KIRREL1: variants seen among roughly 807,000 people sequenced by gnomAD.
The protein encoded by KIRREL1 is kirre like nephrin family adhesion molecule 1, also known as kin of IRRE-like protein 1.
In KIRREL1, 25 loss-of-function variants were observed where a neutral mutation model predicts 83.3. That is an observed-to-expected ratio of 0.30 (90% CI 0.22 to 0.42). The LOEUF is 0.42. Ranked by LOEUF, KIRREL1 falls within the 10% of genes least tolerant of loss-of-function variation. The pLI, the probability that KIRREL1 is intolerant of heterozygous loss-of-function variation, is 1.00. For synonymous variants in KIRREL1, 388 were observed against 410.4 expected (o/e 0.95, Z 0.66); for missense variants, 812 against 1,032.3 (o/e 0.79, Z 2.92).
intron 1 of KIRREL1, among the ~76,000 whole-genome samples, chr1:158,021,521 C>T (rs1296342566): frequency 2.0e-5 from 3 of 152,182 alleles, no homozygotes; most frequent in Admixed American, 2.0e-4. Flanking sequence ...TAATCCCTAA[C>T]ATGTGGAAGT....
Position 158,094,225 on chromosome 1 carries a change from G to A in KIRREL1, c.1720-88G>A. ...TGACCTCAGACCCCACCCATGAGCA[G>A]GTGGCCTCTGAGCGTGGGGAGGGGT... is the stretch of plus-strand genomic sequence containing the variant. On this transcript the variant is annotated intron_variant, in intron 13 of 14. Coordinates refer to ENST00000359209, the MANE Select transcript of KIRREL1 (RefSeq NM_018240.7). This position sits in a 1 kb window ranked among gnomAD's most constrained non-coding sequence, Gnocchi z 4.6. 9.1e-7 allele frequency: 1 copy of A among 1,095,700 alleles called. No homozygotes were observed. The highest frequency in any genetic ancestry group is 2.0e-5 in the Admixed American group (1 of 50,430). 67.9% of individuals were successfully genotyped at this position (1,095,700 alleles called of 1,614,324 possible).
rs1267331194 is a variant in KIRREL1 at position 158,094,636 on chromosome 1, G to C, written c.1798-8G>C. The C allele has an allele frequency of 1.3e-6, 2 of 1,576,454 alleles. No homozygotes were observed. The highest frequency in any genetic ancestry group is 2.3e-5 in the South Asian group (2 of 86,664). On this transcript the variant is annotated splice_polypyrimidine_tract_variant and splice_region_variant and intron_variant, in intron 14 of 14. Transcript: ENST00000359209. The surrounding 1 kb of genome is among the most constrained non-coding windows in gnomAD (Gnocchi z 4.6). ...ACTGCCTCCATCCTCTTCTCTCATT[G>C]CCCCCAGGACCCCACCAATGGCTAC... is the stretch of plus-strand genomic sequence containing the variant.
chr1:158,063,593 A>G (rs1365340990), intron 1 of KIRREL1, among the ~76,000 whole-genome samples: 3 of 152,172 alleles, frequency 2.0e-5, no homozygotes, highest in African/African-American at 2.4e-5. Flanking sequence ...TGCCCATCCC[A>G]TCAAGCACAC....
At chr1:158,047,811 C>T (rs1045502304) in intron 1 of KIRREL1, among the ~76,000 whole-genome samples, 3 of 152,164 alleles carry the variant, frequency 2.0e-5, no homozygotes, top group Non-Finnish European at 2.9e-5. Context: ...TATAATTTGC[C>T]GTCTCCCTTC....
intron 1 of KIRREL1, among the ~76,000 whole-genome samples, chr1:158,018,715 G>T (rs1659910672): frequency 6.6e-6 from 1 of 152,128 alleles, no homozygotes; most frequent in African/African-American, 2.4e-5. Context: ...GGAAAAAGAG[G>T]GGAAGGGTAA....
intron 1 of KIRREL1, among the ~76,000 whole-genome samples, chr1:158,010,765 C>T (rs1659666402): frequency 6.6e-6 from 1 of 152,090 alleles, no homozygotes; most frequent in Non-Finnish European, 1.5e-5. Context: ...CCTTTCTCCT[C>T]CTCTCCTAAA....
intron 1 of KIRREL1, among the ~76,000 whole-genome samples, chr1:158,026,403 C>T (rs540892634): frequency 1.2e-4 from 18 of 152,102 alleles, no homozygotes; most frequent in Admixed American, 7.2e-4. Flanking sequence ...CTCTAGGCCC[C>T]GTGGAGGACC....
chr1:158,087,951 T>C, intron 6 of KIRREL1, 55 bp from the exon 7 acceptor site: 1 of 1,610,660 alleles, frequency 6.2e-7, no homozygotes, highest in Non-Finnish European at 8.5e-7. Context: ...GTGTCATGGA[T>C]GTAGTTGAGA....
rs552811544 is a variant in KIRREL1 at position 158,053,983 on chromosome 1, C to T, written c.53-22130C>T. On this transcript the variant is annotated intron_variant, in intron 1 of 14. Transcript: ENST00000359209. ...ATCCCAGCACTTTGGGAAGCTGAGG[C>T]GGGTGGATCACGAGGTCAGGAGTTC... 3.2e-4 allele frequency among the ~76,000 whole-genome samples: 49 copies of T among 151,070 alleles called. 1 individual carries two copies. The East Asian group carries it at 9.0e-3, about 28-fold the overall frequency.
At chr1:158,048,559 A>G (rs1476013057) in intron 1 of KIRREL1, among the ~76,000 whole-genome samples, 1 of 152,268 alleles carries the variant, frequency 6.6e-6, no homozygotes. Flanking sequence ...ACAGAATTAC[A>G]GAACATCAAA....
chr1:158,086,849 A>C, intron 5 of KIRREL1, 103 bp downstream of exon 5: 1 of 1,102,530 alleles, frequency 9.1e-7, no homozygotes, highest in Non-Finnish European at 1.3e-6. Context: ...GAGTCCCCCT[A>C]TGGTCCCCAG....
intron 1 of KIRREL1, among the ~76,000 whole-genome samples, chr1:157,995,470 G>C (rs115864968): frequency 0.019 from 2,913 of 152,110 alleles, 96 homozygotes; most frequent in African/African-American, 0.067. Flanking sequence ...CGGGGAGGAA[G>C]GGGGTGGGCC....
At chr1:158,069,774 G>A (rs939803420) in intron 1 of KIRREL1, among the ~76,000 whole-genome samples, 3 of 152,162 alleles carry the variant, frequency 2.0e-5, no homozygotes, top group African/African-American at 4.8e-5. Flanking sequence ...GTGACTAGAC[G>A]GAAGTTTCTT....
At chr1:158,016,264 A>G (rs2101645194) in intron 1 of KIRREL1, among the ~76,000 whole-genome samples, 1 of 152,104 alleles carries the variant, frequency 6.6e-6, no homozygotes, top group Non-Finnish European at 1.5e-5. Flanking sequence ...AGATCGTGCC[A>G]CTGTACTCTA....
intron 1 of KIRREL1, among the ~76,000 whole-genome samples, chr1:158,062,112 C>A (rs1442697947): frequency 6.6e-6 from 1 of 152,122 alleles, no homozygotes; most frequent in Non-Finnish European, 1.5e-5. Flanking sequence ...AATCATGTCC[C>A]CCACCAATAT....
At chr1:158,011,498 T>C (rs756420149) in intron 1 of KIRREL1, among the ~76,000 whole-genome samples, 2 of 152,168 alleles carry the variant, frequency 1.3e-5, no homozygotes, top group Non-Finnish European at 2.9e-5. Context: ...CTGTGCTCTA[T>C]TGGGCACTTC....
In KIRREL1 at chr1:158,094,777, CCAG is replaced by C. The variant is rs1235207983; in HGVS notation, c.1933_1935del (p.Ser645del). ...CGCCCCTCATCCCGTCTCTCCCACTCCAGCGGCTATGCCCAGCTCAACACCTAT... is the reference window on the plus strand; with the variant it reads ...CGCCCCTCATCCCGTCTCTCCCACTCCGGCTATGCCCAGCTCAACACCTAT... On this transcript the variant is annotated inframe_deletion, in exon 15 of 15. Transcript: ENST00000359209. This position sits in a 1 kb window ranked among gnomAD's most constrained non-coding sequence, Gnocchi z 4.6. 1 of 1,614,024 alleles carries C rather than the reference CCAG, an allele frequency of 6.2e-7. No homozygotes were observed. The highest frequency in any genetic ancestry group is 1.3e-5 in the African/African-American group (1 of 75,014).
At chr1:158,023,667 G>A (rs1262902558) in intron 1 of KIRREL1, among the ~76,000 whole-genome samples, 4 of 152,146 alleles carry the variant, frequency 2.6e-5, no homozygotes, top group African/African-American at 9.7e-5. Flanking sequence ...TATCCTGGGT[G>A]CACCGGGAAA....
intron 1 of KIRREL1, among the ~76,000 whole-genome samples, chr1:158,031,861 A>T (rs1571551982): frequency 6.6e-6 from 1 of 152,200 alleles, no homozygotes; most frequent in Non-Finnish European, 1.5e-5. Flanking sequence ...AGGCAGGAGG[A>T]GCACTTGACC....
Sources: gnomAD v4.1 joint callset for allele counts (sites outside exome capture counted in the v4.1 genomes callset) on GRCh38, gnomAD v4.1.1 for gene constraint, Gnocchi (gnomAD v3.1) non-coding constraint, MANE v1.5 for transcripts, NCBI Gene and HGNC (gene_info 2026-07-23, HGNC 2026-07-21) for gene names.